The following AP3M1 variants were observed in gnomAD, a reference collection of about 807,000 sequenced individuals.
The protein encoded by AP3M1 is adaptor related protein complex 3 subunit mu 1, also known as AP-3 complex subunit mu-1.
Under a neutral mutation model 42.6 loss-of-function variants are expected in AP3M1, and 29 were observed. The ratio of observed to expected loss-of-function variants is 0.68; its 90% CI spans 0.51 to 0.93. The LOEUF (loss-of-function observed/expected upper bound fraction) is 0.93, where lower values mean the gene tolerates loss of function less well. Ranked by LOEUF, AP3M1 falls within the 40% of genes least tolerant of loss-of-function variation. The pLI is 0.00. For synonymous variants in AP3M1, 178 were observed against 175.3 expected (o/e 1.02, Z -0.12); for missense variants, 416 against 510.2 (o/e 0.82, Z 1.78).
chr10:74,131,195 G>A (rs1271327314), intron 4 of AP3M1, among the ~76,000 whole-genome samples: 1 of 151,294 alleles, frequency 6.6e-6, no homozygotes, highest in Non-Finnish European at 1.5e-5. Context: ...ACGGAGTCTT[G>A]CTCTGTCACC....
chr10:74,127,898 C>T (rs1016935585), intron 6 of AP3M1, among the ~76,000 whole-genome samples: 3 of 151,620 alleles, frequency 2.0e-5, no homozygotes, highest in African/African-American at 4.8e-5. Context: ...GTCTGGAGTT[C>T]GAGACCAGTC....
chr10:74,129,707 A>C (rs115272045), intron 5 of AP3M1, among the ~76,000 whole-genome samples, 200 bp downstream of exon 5: 4 of 152,216 alleles, frequency 2.6e-5, no homozygotes, highest in Non-Finnish European at 5.9e-5. Context: ...TAGCACACTC[A>C]GGCAAAGACC....
intron 1 of AP3M1, among the ~76,000 whole-genome samples, chr10:74,150,121 T>A (rs558624105): frequency 3.9e-5 from 6 of 152,334 alleles, no homozygotes; most frequent in East Asian, 1.9e-4. Context: ...TAATTTTTTT[T>A]AAAGTCTTTC....
At chr10:74,133,858 G>A (rs1840859450) in intron 4 of AP3M1, among the ~76,000 whole-genome samples, 169 bp downstream of exon 4, 1 of 151,944 alleles carries the variant, frequency 6.6e-6, no homozygotes, top group African/African-American at 2.4e-5. Flanking sequence ...GTTTCACCAT[G>A]TTGGCCAGGC....
At chr10:74,144,053 C>A (rs1415538075) in intron 1 of AP3M1, among the ~76,000 whole-genome samples, 3 of 152,162 alleles carry the variant, frequency 2.0e-5, no homozygotes, top group Non-Finnish European at 4.4e-5. Flanking sequence ...GCTCCGCCTC[C>A]CAGGTTCACA....
chr10:74,138,027 G>C, intron 2 of AP3M1, 80 bp downstream of exon 2: 1 of 1,408,496 alleles, frequency 7.1e-7, no homozygotes, highest in Non-Finnish European at 9.6e-7. Flanking sequence ...TCAAAACCTG[G>C]GTAATTAAAT....
At chr10:74,138,597 G>GAAAA (rs35488304) in intron 1 of AP3M1, among the ~76,000 whole-genome samples, 1 of 111,046 alleles carries the variant, frequency 9.0e-6, no homozygotes, top group African/African-American at 3.5e-5. Context: ...ATCCTTTTAC[G>GAAAA]AAAAAAAAAA....
chr10:74,134,333 A>G (rs987733149), intron 3 of AP3M1, among the ~76,000 whole-genome samples, 169 bp from the exon 4 acceptor site: 6 of 152,252 alleles, frequency 3.9e-5, no homozygotes, highest in Admixed American at 3.9e-4. Flanking sequence ...TCAAATTTCT[A>G]GAAAAGAAAT....
chr10:74,126,475 A>C, intron 6 of AP3M1, 120 bp from the exon 7 acceptor site: 1 of 695,696 alleles, frequency 1.4e-6, no homozygotes, highest in Non-Finnish European at 2.4e-6. Flanking sequence ...TAACTCCACA[A>C]TAAGGTACTA....
intron 4 of AP3M1, among the ~76,000 whole-genome samples, chr10:74,130,506 G>T (rs1424834585): frequency 1.3e-5 from 2 of 151,474 alleles, no homozygotes; most frequent in Non-Finnish European, 2.9e-5. Context: ...GAGCGTAGTG[G>T]TGCTATGATA....
chr10:74,140,314 G>C (rs1314921183), intron 1 of AP3M1, among the ~76,000 whole-genome samples: 1 of 152,272 alleles, frequency 6.6e-6, no homozygotes, highest in Non-Finnish European at 1.5e-5. Flanking sequence ...GCTGGTCGCC[G>C]TAGGTTAAAC....
intron 1 of AP3M1, among the ~76,000 whole-genome samples, chr10:74,143,822 C>G (rs569213414): frequency 6.6e-6 from 1 of 152,214 alleles, no homozygotes; most frequent in East Asian, 1.9e-4. Flanking sequence ...CGTTCTAATA[C>G]AGCACTGTCC....
chr10:74,138,585 A>C (rs565734097), intron 1 of AP3M1, among the ~76,000 whole-genome samples: 1 of 141,416 alleles, frequency 7.1e-6, no homozygotes, highest in African/African-American at 2.6e-5. Flanking sequence ...ACAAAATCCA[A>C]CATCCTTTTA....
chr10:74,133,298 G>A (rs370556597), intron 4 of AP3M1, among the ~76,000 whole-genome samples: 1 of 152,020 alleles, frequency 6.6e-6, no homozygotes, highest in Admixed American at 6.6e-5. Context: ...GGAGGCTGAG[G>A]CAGAAGAACT....
chr10:74,133,621 C>T (rs1335382860), intron 4 of AP3M1, among the ~76,000 whole-genome samples: 1 of 151,910 alleles, frequency 6.6e-6, no homozygotes, highest in Non-Finnish European at 1.5e-5. Context: ...TGCCTTTCCA[C>T]CGAAACCATA....
intron 3 of AP3M1, 115 bp from the exon 4 acceptor site, chr10:74,134,279 G>A: frequency 1.8e-6 from 2 of 1,123,438 alleles, no homozygotes; most frequent in Non-Finnish European, 2.5e-6. Context: ...TAATGAAGTT[G>A]TGGATGGTCA....
chr10:74,127,766 AAT>A (rs942359183), intron 6 of AP3M1, among the ~76,000 whole-genome samples: 1 of 152,110 alleles, frequency 6.6e-6, no homozygotes, highest in African/African-American at 2.4e-5. Context: ...AATAATGTAA[AAT>A]ATGTTTTATA....
chr10:74,126,906 G>C (rs562862497), intron 6 of AP3M1, among the ~76,000 whole-genome samples: 1 of 133,712 alleles, frequency 7.5e-6, no homozygotes, highest in Non-Finnish European at 1.5e-5. Context: ...GGGAAGCGGA[G>C]ATTGCAGTGA....
chr10:74,136,759 C>A lies in AP3M1; in HGVS notation c.318G>T (p.Val106=). 1 of 1,558,348 alleles carries A rather than the reference C, an allele frequency of 6.4e-7. No homozygotes were observed. The highest frequency in any genetic ancestry group is 8.8e-7 in the Non-Finnish European group (1 of 1,139,746). The change falls in exon 3 of 9, where the codon GTG becomes GTT. Residue 106 remains valine, a synonymous_variant. Transcript: ENST00000355264. Reference sequence around the variant, plus strand: ...CTTCTAAGAGTTCATATACTATGACCACATTATCCTTAATTGCAGCCTCTG... The same window carrying A: ...CTTCTAAGAGTTCATATACTATGACAACATTATCCTTAATTGCAGCCTCTG... ...ECSEAAIKDN[V]VIVYELLEEM... is the part of the protein sequence containing the mutation.
Sources: allele counts gnomAD v4.1 joint callset (sites outside exome capture counted in the v4.1 genomes callset), GRCh38; gene constraint gnomAD v4.1.1; transcripts MANE v1.5; gene names NCBI Gene and HGNC (gene_info 2026-07-23, HGNC 2026-07-21).